Variants in AHCTF1 observed in about 807,000 individuals in gnomAD.
AHCTF1 encodes the protein AT-hook containing transcription factor 1.
A neutral mutation model predicts 248.4 loss-of-function variants in AHCTF1; 24 were observed. The observed-to-expected ratio is 0.10, with a 90% CI of 0.07 to 0.14. AHCTF1 has a LOEUF of 0.14. Among genes scored for constraint, AHCTF1 ranks in the 10% least tolerant of loss-of-function variants. AHCTF1 has a pLI of 1.00. For synonymous variants in AHCTF1, 786 were observed against 929.8 expected (o/e 0.85, Z 2.81); for missense variants, 2,206 against 2,636.2 (o/e 0.84, Z 3.57).
At chr1:246,900,565 G>T (rs549391126) in intron 8 of AHCTF1, 96 bp from the exon 9 acceptor site, 7 of 1,303,548 alleles carry the variant, frequency 5.4e-6, no homozygotes, top group Non-Finnish European at 7.3e-6. Flanking sequence ...TAAATTAAGC[G>T]GTTTAATTCA....
At chr1:246,927,623 C>CA (rs1247281790) in intron 1 of AHCTF1, among the ~76,000 whole-genome samples, 1 of 152,264 alleles carries the variant, frequency 6.6e-6, no homozygotes. Flanking sequence ...CCAGCACTGG[C>CA]AACCTATAAA....
At chr1:246,887,554 CTTCA>C (rs1446988643) in intron 19 of AHCTF1, among the ~76,000 whole-genome samples, 197 bp from the exon 20 acceptor site, 2 of 152,044 alleles carry the variant, frequency 1.3e-5, no homozygotes, top group Non-Finnish European at 2.9e-5. Context: ...CCCGCACCAA[CTTCA>C]TTCATTCTCA....
At position 246,867,371 on chromosome 1, in the gene AHCTF1, A is replaced by G; in HGVS notation, c.3240-20T>C. 6.8e-7 allele frequency: 1 copy of G among 1,476,810 alleles called. No individual in the cohort carries two copies. Among genetic ancestry groups the G allele is most frequent in the South Asian group, 1.3e-5 (1 of 76,792 alleles). The allele number at this position is 1,476,810 out of a possible 1,614,324, so 91.5% of individuals were successfully genotyped here. On this transcript the variant is annotated intron_variant, in intron 25 of 35. Transcript: ENST00000648844. ...TTAGAACTATGAAAATAAAAATTTAACTTCTGATGTATCACAAGGAGCACT... is the reference window on the plus strand; with the variant it reads ...TTAGAACTATGAAAATAAAAATTTAGCTTCTGATGTATCACAAGGAGCACT...
At chr1:246,894,797 C>A in intron 13 of AHCTF1, 49 bp from the exon 14 acceptor site, 1 of 1,509,882 alleles carries the variant, frequency 6.6e-7, no homozygotes, top group Non-Finnish European at 9.2e-7. Context: ...TAATTACAAA[C>A]AGAGTTCTAA....
intron 35 of AHCTF1, 92 bp from the exon 36 acceptor site, chr1:246,841,090 C>CT: frequency 1.9e-6 from 2 of 1,051,294 alleles, no homozygotes; most frequent in Non-Finnish European, 2.7e-6. Flanking sequence ...ACCTTAGGGA[C>CT]TGCTTAGTGC....
intron 24 of AHCTF1, among the ~76,000 whole-genome samples, chr1:246,871,608 G>A (rs756879765): frequency 1.3e-4 from 20 of 152,158 alleles, no homozygotes; most frequent in African/African-American, 1.2e-4. Context: ...GCCTACCTCT[G>A]TGAACCCTGA....
chr1:246,887,507 TGAG>T lies in AHCTF1; in HGVS notation c.2326-153_2326-151del. On this transcript the variant is annotated intron_variant, in intron 19 of 35. Transcript: ENST00000648844. ...GAAAGCCATCATGGAGAGTCAGCAATGAGAAGATAGTTTTAGTAAATGTGGGTA... is the reference window on the plus strand; with the variant it reads ...GAAAGCCATCATGGAGAGTCAGCAATAAGATAGTTTTAGTAAATGTGGGTA... 10 of 757,218 alleles carry T rather than the reference TGAG, an allele frequency of 1.3e-5. No homozygotes were observed. The South Asian group carries it at 1.9e-4, about 14-fold the overall frequency. The allele number at this position is 757,218 out of a possible 1,614,324, so 46.9% of individuals were successfully genotyped here.
intron 1 of AHCTF1, among the ~76,000 whole-genome samples, chr1:246,927,115 T>G (rs1666984288): frequency 6.6e-6 from 1 of 151,656 alleles, no homozygotes; most frequent in Non-Finnish European, 1.5e-5. Flanking sequence ...GAGGCGGAGC[T>G]TGCAGTGAGC....
intron 21 of AHCTF1, among the ~76,000 whole-genome samples, chr1:246,878,164 A>G (rs765834434): frequency 1.1e-4 from 16 of 151,952 alleles, no homozygotes; most frequent in Non-Finnish European, 2.2e-4. Context: ...TTGGGAGGCC[A>G]GGGTGGGCAG....
chr1:246,870,406 G>T (rs1010109968), intron 24 of AHCTF1, among the ~76,000 whole-genome samples: 2 of 152,084 alleles, frequency 1.3e-5, no homozygotes, highest in Non-Finnish European at 2.9e-5. Flanking sequence ...ATCTGTGACA[G>T]ACAAAGACCT....
At position 246,853,245 on chromosome 1, in the gene AHCTF1, C is replaced by T. The variant is rs752382325; in HGVS notation, c.4409G>A (p.Gly1470Asp). 24 of 1,613,760 alleles carry T rather than the reference C, an allele frequency of 1.5e-5. No homozygotes were observed. Among genetic ancestry groups the T allele is most frequent in the Non-Finnish European group, 1.9e-5 (23 of 1,179,960 alleles). Residue 1470 changes from glycine to aspartate, a missense_variant, in exon 32 of 36, where the codon GGT (glycine) becomes GAT (aspartate). Around this residue, in one of 6 missense-constraint regions of AHCTF1, gnomAD observed 955 missense variants for 1,055.6 expected, o/e 0.90. Coordinates refer to ENST00000648844, the MANE Select transcript of AHCTF1 (RefSeq NM_001323342.2). ...GGNSSLTISEGPIVSERRLNQ... is the reference protein window; with the variant it reads ...GGNSSLTISEDPIVSERRLNQ... ...AAGCCTGCGCTCAGAGACAATAGGACCTTCAGAGATAGTGAGCGAGGAGTT... is the reference window on the plus strand; with the variant it reads ...AAGCCTGCGCTCAGAGACAATAGGATCTTCAGAGATAGTGAGCGAGGAGTT...
intron 14 of AHCTF1, among the ~76,000 whole-genome samples, chr1:246,892,394 C>G (rs1396594670): frequency 7.1e-6 from 1 of 141,554 alleles, no homozygotes; most frequent in Non-Finnish European, 1.5e-5. Flanking sequence ...AATCTCCGCT[C>G]ACTGCAACCT....
In AHCTF1 at chr1:246,861,017, A is replaced by T. The variant is rs753907727; in HGVS notation, c.4014T>A (p.Ser1338=). 6.2e-7 allele frequency: 1 copy of T among 1,613,994 alleles called. No individual in the cohort carries two copies. Among genetic ancestry groups the T allele is most frequent in the Non-Finnish European group, 8.5e-7 (1 of 1,179,874 alleles). The change falls in exon 29 of 36, where the codon TCT becomes TCA. Residue 1338 remains serine, a synonymous_variant. Transcript: ENST00000648844. ...GTGCAGTGGAAGAGCTTTTGGGCTT[A>T]GAGGCCGTGAAAACAGTCTCTTCAA... is the stretch of plus-strand genomic sequence containing the variant. ...EDLEETVFTA[S]KPKSSSTALT...
At chr1:246,881,672 T>C (rs990401074) in intron 21 of AHCTF1, among the ~76,000 whole-genome samples, 7 of 151,744 alleles carry the variant, frequency 4.6e-5, no homozygotes, top group African/African-American at 1.7e-4. Context: ...ACCCTGTCTC[T>C]ACTAAAAATA....
In AHCTF1 at chr1:246,849,305, T is replaced by C. The variant is rs1040993835; in HGVS notation, c.6391+310A>G. 3.9e-5 allele frequency among the ~76,000 whole-genome samples: 6 copies of C among 152,226 alleles called. No individual in the cohort carries two copies. The South Asian group carries it at 1.0e-3, about 26-fold the overall frequency. On this transcript the variant is annotated intron_variant, in intron 33 of 35. Coordinates refer to ENST00000648844, the MANE Select transcript of AHCTF1 (RefSeq NM_001323342.2). The stretch of plus-strand genomic sequence containing the variant: ...AGCAGTACATGGGAGATTAAAAATA[T>C]TGACTATTTTGGAAGAAACTTAATT...
intron 29 of AHCTF1, among the ~76,000 whole-genome samples, chr1:246,858,884 T>C (rs189878097): frequency 8.5e-5 from 13 of 152,180 alleles, no homozygotes; most frequent in African/African-American, 3.1e-4. Context: ...GCTATGAACA[T>C]TCTTTTAACA....
At position 246,857,680 on chromosome 1, in the gene AHCTF1, C is replaced by T. The variant is rs747597500; in HGVS notation, c.4256+11G>A. On this transcript the variant is annotated intron_variant, in intron 30 of 35. Transcript: ENST00000648844. ...TTCTAAAAGTATTTGAATTTCTCTC[C>T]ATTAACTTACCCTTCATAGACTGAT... The T allele has an allele frequency of 1.9e-6, 3 of 1,594,126 alleles. No individual in the cohort carries two copies. In the East Asian group the frequency reaches 6.7e-5, roughly 36 times the overall value.
chr1:246,883,441 G>C (rs1215463689), intron 21 of AHCTF1, among the ~76,000 whole-genome samples: 1 of 152,126 alleles, frequency 6.6e-6, no homozygotes, highest in African/African-American at 2.4e-5. Flanking sequence ...AAATCAGCTT[G>C]TTTTCTTGTT....
intron 33 of AHCTF1, among the ~76,000 whole-genome samples, chr1:246,845,033 A>G (rs1469968419): frequency 6.6e-6 from 1 of 152,210 alleles, no homozygotes. Context: ...AAGAAGCAGA[A>G]CAATGTGTGG....
Sources: gnomAD v4.1 joint callset for allele counts (sites outside exome capture counted in the v4.1 genomes callset) on GRCh38, gnomAD v4.1.1 for gene constraint, gnomAD v4.1.1 regional missense constraint, MANE v1.5 for transcripts, NCBI Gene and HGNC (gene_info 2026-07-23, HGNC 2026-07-21) for gene names.